The following SLC22A14 variants were observed in gnomAD, a reference collection of about 807,000 sequenced individuals.
SLC22A14 encodes the protein solute carrier family 22 member 14, also known as organic cation transporter-like 4.
A neutral mutation model predicts 53.9 loss-of-function variants in SLC22A14; 50 were observed. The observed-to-expected ratio is 0.93, with a 90% CI of 0.74 to 1.17. SLC22A14 has a LOEUF of 1.17. Among genes scored for constraint, SLC22A14 ranks in the 50% most tolerant of loss-of-function variants. The pLI, the probability that SLC22A14 is intolerant of heterozygous loss-of-function variation, is 0.00. For synonymous variants in SLC22A14, 312 were observed against 303.0 expected (o/e 1.03, Z -0.31); for missense variants, 671 against 734.7 (o/e 0.91, Z 1.00).
upstream of SLC22A14, among the ~76,000 whole-genome samples, chr3:38,279,525 C>A (rs528753615): frequency 7.9e-5 from 12 of 152,310 alleles, no homozygotes; most frequent in East Asian, 2.3e-3. Flanking sequence ...TCGTGATCCG[C>A]CCACCTCGGC....
At chr3:38,315,377 T>C (rs194705) in intron 8 of SLC22A14, among the ~76,000 whole-genome samples, 181 bp from the exon 9 acceptor site, 88,831 of 152,248 alleles carry the variant, frequency 0.58, 27,688 homozygotes, top group East Asian at 0.81. Context: ...CCCTGCTGAC[T>C]AACTCTGCAC....
At chr3:38,309,556 A>G (rs1405583525) in intron 5 of SLC22A14, among the ~76,000 whole-genome samples, 1 of 152,112 alleles carries the variant, frequency 6.6e-6, no homozygotes, top group Non-Finnish European at 1.5e-5. Context: ...AAGAGGGAGA[A>G]AGGGATGATT....
intron 8 of SLC22A14, 108 bp downstream of exon 8, chr3:38,314,049 C>A: frequency 2.4e-6 from 2 of 832,826 alleles, no homozygotes; most frequent in Non-Finnish European, 3.9e-6. Context: ...TGGGAATCAG[C>A]CTTCTGCACC....
chr3:38,292,111 C>T (rs771229103), intron 1 of SLC22A14, among the ~76,000 whole-genome samples: 1 of 152,230 alleles, frequency 6.6e-6, no homozygotes, highest in African/African-American at 2.4e-5. Flanking sequence ...ACTTGGGTGG[C>T]TTGATGGCAC....
chr3:38,312,331 T>C (rs927099863), intron 5 of SLC22A14, among the ~76,000 whole-genome samples: 2 of 152,166 alleles, frequency 1.3e-5, no homozygotes, highest in African/African-American at 4.8e-5. Flanking sequence ...AGACTATATA[T>C]ACAAGGGCAC....
chr3:38,282,169 C>G (rs1703682890), upstream of SLC22A14: 1 of 152,276 alleles, frequency 6.6e-6, no homozygotes, highest in African/African-American at 2.4e-5. Context: ...CCTGACCTGC[C>G]TTGCCCCTGG....
upstream of SLC22A14, among the ~76,000 whole-genome samples, chr3:38,282,142 G>T (rs573275875): frequency 2.0e-5 from 3 of 152,296 alleles, no homozygotes; most frequent in South Asian, 2.1e-4. Context: ...GGGCAGGGGG[G>T]TTCGTGTGGC....
upstream of SLC22A14, among the ~76,000 whole-genome samples, chr3:38,278,891 C>T (rs894541311): frequency 6.6e-6 from 1 of 151,634 alleles, no homozygotes; most frequent in African/African-American, 2.4e-5. Context: ...GCCGGACTGC[C>T]TTCCTCAGCA....
At chr3:38,286,364 G>C (rs998440665) in intron 1 of SLC22A14, among the ~76,000 whole-genome samples, 1 of 151,948 alleles carries the variant, frequency 6.6e-6, no homozygotes, top group Non-Finnish European at 1.5e-5. Flanking sequence ...TAGGCCACAC[G>C]AGTTTCCTCT....
At chr3:38,279,878 GC>G (rs1703629595), upstream of SLC22A14, among the ~76,000 whole-genome samples, 1 of 152,146 alleles carries the variant, frequency 6.6e-6, no homozygotes, top group Non-Finnish European at 1.5e-5. Flanking sequence ...GCGAAACTGT[GC>G]CCCAAACAGT....
Position 38,306,481 on chromosome 3 carries a change from C to G in SLC22A14, c.455C>G (p.Thr152Arg), listed in dbSNP as rs1345867618. 6.2e-7 allele frequency: 1 copy of G among 1,614,162 alleles called. No homozygotes were observed. ...DSIIQFGLND[T>R]DTCQDGWIYP... Reference sequence around the variant, plus strand: ...ATCATCCAGTTTGGCCTCAATGACACAGACACATGCCAAGATGGGTGGATC... The same window carrying G: ...ATCATCCAGTTTGGCCTCAATGACAGAGACACATGCCAAGATGGGTGGATC... Residue 152 changes from threonine (T) to arginine (R), a missense_variant, in exon 2 of 11, where the codon ACA (threonine) becomes AGA (arginine). By Grantham distance (71) the Thr-to-Arg change is moderately conservative. Coordinates refer to ENST00000448498, the MANE Select transcript of SLC22A14 (RefSeq NM_001320033.2).
Position 38,313,923 on chromosome 3 carries a change from C to T in SLC22A14, c.1360C>T (p.Leu454Phe). The T allele has an allele frequency of 6.2e-7, 1 of 1,613,762 alleles. No individual in the cohort carries two copies. The highest frequency in any genetic ancestry group is 1.7e-4 in the Middle Eastern group (1 of 5,928). ...CCAAGCCATCATCTGGTGCTTGCTT[C>T]TCCTTTTCCTCCCTGAAGGTACAGC... is the stretch of plus-strand genomic sequence containing the variant. Reference protein sequence around the residue: ...LLQAIIWCLLLLFLPEGEDGL... With the variant: ...LLQAIIWCLLFLFLPEGEDGL... Residue 454 changes from leucine (L) to phenylalanine (F), a missense_variant, in exon 8 of 11, where the codon CTC becomes TTC. By Grantham distance (22) the Leu-to-Phe change is conservative. Coordinates refer to ENST00000448498, the MANE Select transcript of SLC22A14 (RefSeq NM_001320033.2).
chr3:38,304,875 C>T (rs1045547570), intron 1 of SLC22A14, among the ~76,000 whole-genome samples: 1 of 152,256 alleles, frequency 6.6e-6, no homozygotes, highest in African/African-American at 2.4e-5. Flanking sequence ...CTCCATTTCT[C>T]CTTGTGGGCT....
chr3:38,286,454 A>C (rs1170518519), intron 1 of SLC22A14, among the ~76,000 whole-genome samples: 2 of 148,698 alleles, frequency 1.3e-5, no homozygotes, highest in Non-Finnish European at 3.0e-5. Flanking sequence ...TCGCTCTGTC[A>C]CCCAGGCTGG....
Position 38,313,926 on chromosome 3 carries a change from C to G in SLC22A14, c.1363C>G (p.Leu455Val), listed in dbSNP as rs763812936. 10 of 1,613,594 alleles carry G rather than the reference C, an allele frequency of 6.2e-6. No homozygotes were observed. Among genetic ancestry groups the G allele is most frequent in the Non-Finnish European group, 6.8e-6 (8 of 1,179,886 alleles). ...LQAIIWCLLL[L>V]FLPEGEDGLR... Reference sequence around the variant, plus strand: ...AGCCATCATCTGGTGCTTGCTTCTCCTTTTCCTCCCTGAAGGTACAGCTCA... The same window carrying G: ...AGCCATCATCTGGTGCTTGCTTCTCGTTTTCCTCCCTGAAGGTACAGCTCA... Residue 455 changes from leucine (L) to valine (V), a missense_variant, in exon 8 of 11, where the codon CTT becomes GTT. Physicochemically the swap from Leu to Val is conservative, Grantham distance 32. Coordinates refer to ENST00000448498, the MANE Select transcript of SLC22A14 (RefSeq NM_001320033.2).
intron 4 of SLC22A14, among the ~76,000 whole-genome samples, chr3:38,308,411 A>G (rs565334391): frequency 2.8e-4 from 43 of 152,342 alleles, no homozygotes; most frequent in African/African-American, 8.9e-4. Flanking sequence ...GAAGTTAACC[A>G]ACTTGCACAG....
intron 1 of SLC22A14, among the ~76,000 whole-genome samples, chr3:38,291,126 G>A (rs1703904802): frequency 6.6e-6 from 1 of 152,124 alleles, no homozygotes; most frequent in Non-Finnish European, 1.5e-5. Context: ...AGGGCTATTA[G>A]TTTTGCCAGC....
chr3:38,286,193 G>T (rs1057354778), intron 1 of SLC22A14, among the ~76,000 whole-genome samples: 1 of 152,168 alleles, frequency 6.6e-6, no homozygotes, highest in African/African-American at 2.4e-5. Context: ...GGTGAGCTGA[G>T]ATTGTGCCAT....
intron 1 of SLC22A14, among the ~76,000 whole-genome samples, chr3:38,292,763 C>T (rs1374844437): frequency 6.6e-6 from 1 of 152,072 alleles, no homozygotes; most frequent in Non-Finnish European, 1.5e-5. Flanking sequence ...AATGGGTGTT[C>T]CTTCTCCTAT....
Sources: gnomAD v4.1 joint callset for allele counts (sites outside exome capture counted in the v4.1 genomes callset) on GRCh38, gnomAD v4.1.1 for gene constraint, MANE v1.5 for transcripts, NCBI Gene and HGNC (gene_info 2026-07-23, HGNC 2026-07-21) for gene names.